Variants in RBMS1 observed in about 807,000 individuals in gnomAD.
The protein encoded by RBMS1 is RNA-binding motif, single-stranded-interacting protein 1.
A neutral mutation model predicts 62.3 loss-of-function variants in RBMS1; 17 were observed. That is an observed-to-expected ratio of 0.27 (90% CI 0.19 to 0.41). The LOEUF (loss-of-function observed/expected upper bound fraction) is 0.41. Ranked by LOEUF, RBMS1 falls within the 10% of genes least tolerant of loss-of-function variation. The pLI is 1.00. For missense variants in RBMS1, 334 were observed against 504.5 expected, an observed-to-expected ratio of 0.66 and a Z score of 3.24; for synonymous variants, 172 against 170.0, an observed-to-expected ratio of 1.01 and a Z score of -0.09.
chr2:160,313,376 T>C lies in RBMS1; in HGVS notation c.311-129A>G. On this transcript the variant is annotated intron_variant, in intron 3 of 13. Transcript: ENST00000348849. ...AAAATGTCCTGAGGGAGCTCAGGCG[T>C]TAACAGCTGCAGGCCAGTGGCCTCC... The C allele has an allele frequency of 3.7e-6, 3 of 812,542 alleles. No homozygotes were observed. In the South Asian group the frequency reaches 5.6e-5, roughly 15 times the overall value. 50.3% of individuals were successfully genotyped at this position (812,542 alleles called of 1,614,324 possible). A position where few individuals can be genotyped will look rare whatever the true frequency, so the allele number is the denominator to read the frequency against.
chr2:160,388,936 T>C (rs1474054486), intron 1 of RBMS1, among the ~76,000 whole-genome samples: 1 of 152,250 alleles, frequency 6.6e-6, no homozygotes, highest in Admixed American at 6.5e-5. Flanking sequence ...ATCTTTCTGT[T>C]CCTATTCAGG....
intron 1 of RBMS1, among the ~76,000 whole-genome samples, chr2:160,393,776 CAA>C (rs576344303): frequency 3.2e-4 from 27 of 83,706 alleles, no homozygotes; most frequent in Admixed American, 6.5e-4. Flanking sequence ...ACTCCATCTC[CAA>C]AAAAAAAAAA....
intron 4 of RBMS1, among the ~76,000 whole-genome samples, chr2:160,311,224 C>CCATATATATATATA (rs71297446): frequency 0.017 from 963 of 56,282 alleles, 66 homozygotes; most frequent in Middle Eastern, 0.08. Flanking sequence ...ATCTATCTAT[C>CCATATATATATATA]TATCTATCTA....
In RBMS1 at chr2:160,426,265, GAAA is replaced by G. The variant is rs1275950937; in HGVS notation, c.76-58877_76-58875del. Among the ~76,000 whole-genome samples the G allele has an allele frequency of 4.2e-5, 5 of 118,356 alleles. 1 individual carries two copies. The highest frequency in any genetic ancestry group is 2.9e-4 in the Admixed American group (3 of 10,520). 77.6% of individuals were successfully genotyped at this position (118,356 alleles called of 152,430 possible). A position where few individuals can be genotyped will look rare whatever the true frequency, so the allele number is the denominator to read the frequency against. On this transcript the variant is annotated intron_variant, in intron 1 of 13. Transcript: ENST00000348849. ...AGAAAGAAAGAAAGAAAGAAAGAAA[GAAA>G]GAAAGAAAGAAAGAAAGAAAGAAAA...
At chr2:160,312,089 TG>T (rs989718059) in intron 4 of RBMS1, among the ~76,000 whole-genome samples, 1 of 152,116 alleles carries the variant, frequency 6.6e-6, no homozygotes, top group Non-Finnish European at 1.5e-5. Context: ...AAAGTGGGGT[TG>T]GGGGGAGATG....
At chr2:160,449,368 G>T (rs998062758) in intron 1 of RBMS1, among the ~76,000 whole-genome samples, 2 of 152,378 alleles carry the variant, frequency 1.3e-5, no homozygotes, top group African/African-American at 4.8e-5. Context: ...TGACGATGGC[G>T]TTTTTGTCGA....
chr2:160,419,691 T>C (rs924708119), intron 1 of RBMS1, among the ~76,000 whole-genome samples: 1 of 152,194 alleles, frequency 6.6e-6, no homozygotes, highest in Non-Finnish European at 1.5e-5. Context: ...AAAAGTAAAC[T>C]GATTCTTGGT....
chr2:160,284,509 T>G (rs2105934418), intron 9 of RBMS1: 1 of 435,924 alleles, frequency 2.3e-6, no homozygotes, highest in African/African-American at 2.0e-5. Context: ...GGCCCCTTGG[T>G]GAAGGAAGTG....
At chr2:160,385,907 GCTGGGTTT>G (rs1694545599) in intron 1 of RBMS1, among the ~76,000 whole-genome samples, 1 of 152,112 alleles carries the variant, frequency 6.6e-6, no homozygotes, top group South Asian at 2.1e-4. Context: ...CCACTGAAAG[GCTGGGTTT>G]CTGTGGTAAC....
At chr2:160,442,932 G>A (rs779830644) in intron 1 of RBMS1, among the ~76,000 whole-genome samples, 2 of 152,144 alleles carry the variant, frequency 1.3e-5, no homozygotes, top group Non-Finnish European at 2.9e-5. Context: ...GAGGCTGGGC[G>A]CGGTGGCTCA....
intron 1 of RBMS1, among the ~76,000 whole-genome samples, chr2:160,466,137 C>T (rs768606655): frequency 1.3e-5 from 2 of 152,014 alleles, no homozygotes; most frequent in African/African-American, 4.8e-5. Context: ...CCTATAAAAA[C>T]CAAAGCTCCT....
chr2:160,406,831 A>G (rs1695736178), intron 1 of RBMS1, among the ~76,000 whole-genome samples: 1 of 152,236 alleles, frequency 6.6e-6, no homozygotes, highest in African/African-American at 2.4e-5. Context: ...TAAAAAATGT[A>G]TGAAACGGTA....
intron 1 of RBMS1, among the ~76,000 whole-genome samples, chr2:160,464,991 T>C (rs1684626557): frequency 6.6e-6 from 1 of 152,214 alleles, no homozygotes; most frequent in African/African-American, 2.4e-5. Flanking sequence ...AATAAAATGG[T>C]CAATATTTAT....
At chr2:160,460,767 T>C (rs1293847020) in intron 1 of RBMS1, among the ~76,000 whole-genome samples, 1 of 152,244 alleles carries the variant, frequency 6.6e-6, no homozygotes, top group Non-Finnish European at 1.5e-5. Context: ...AATATAACCA[T>C]ATTGAATGGC....
chr2:160,378,205 G>A (rs753040766), intron 1 of RBMS1, among the ~76,000 whole-genome samples: 1 of 151,764 alleles, frequency 6.6e-6, no homozygotes, highest in Non-Finnish European at 1.5e-5. Context: ...AAAAATGCTC[G>A]TGAATGCCAC....
intron 5 of RBMS1, 149 bp downstream of exon 5, chr2:160,303,181 G>A (rs11889328): frequency 0.2 from 140,774 of 702,690 alleles, 16,133 homozygotes; most frequent in Admixed American, 0.37. Flanking sequence ...GAAAAATGCA[G>A]TCTGGTATTT....
At chr2:160,294,319 A>C (rs976053208) in intron 6 of RBMS1, among the ~76,000 whole-genome samples, 4 of 152,248 alleles carry the variant, frequency 2.6e-5, no homozygotes, top group Admixed American at 1.3e-4. Context: ...TTCAGAAAGC[A>C]GACGGCACTA....
At chr2:160,330,309 A>T (rs970588940) in intron 2 of RBMS1, among the ~76,000 whole-genome samples, 3 of 152,216 alleles carry the variant, frequency 2.0e-5, no homozygotes, top group Admixed American at 2.0e-4. Flanking sequence ...GAAGGGAGGC[A>T]TCTGGGGATA....
At chr2:160,343,266 G>T (rs948256526) in intron 2 of RBMS1, among the ~76,000 whole-genome samples, 1 of 152,206 alleles carries the variant, frequency 6.6e-6, no homozygotes, top group Admixed American at 6.5e-5. Flanking sequence ...TGCATTACTT[G>T]TATGTTCAAA....
Sources: allele counts gnomAD v4.1 joint callset (sites outside exome capture counted in the v4.1 genomes callset), GRCh38; gene constraint gnomAD v4.1.1; transcripts MANE v1.5; gene names NCBI Gene and HGNC (gene_info 2026-07-23, HGNC 2026-07-21).